The following ARHGAP25 variants were observed in gnomAD, a reference collection of about 807,000 sequenced individuals.
ARHGAP25 encodes rho GTPase-activating protein 25.
In ARHGAP25, 34 loss-of-function variants were observed where a neutral mutation model predicts 71.0. The observed-to-expected ratio is 0.48, with a 90% CI of 0.36 to 0.64. The LOEUF is 0.64. ARHGAP25 is among the 30% of genes least tolerant of loss of function. The probability of loss-of-function intolerance (pLI) is 0.00; values close to 1 mark genes in which losing one functional copy is unlikely to be tolerated. For synonymous variants in ARHGAP25, 282 were observed against 296.5 expected, an observed-to-expected ratio of 0.95 and a Z score of 0.50; for missense variants, 706 against 805.1, an observed-to-expected ratio of 0.88 and a Z score of 1.49.
chr2:68,764,693 CTCCATCTGTTCCCTGCCTCCA>C (rs1677022932), intron 1 of ARHGAP25, among the ~76,000 whole-genome samples: 1 of 152,156 alleles, frequency 6.6e-6, no homozygotes, highest in East Asian at 1.9e-4. Flanking sequence ...GCTCTCAGGT[CTCCATCTGTTCCCTGCCTCCA>C]TGCTGCTGCT....
At chr2:68,734,791 A>C (rs575237725), upstream of ARHGAP25, 5 of 211,586 alleles carry the variant, frequency 2.4e-5, no homozygotes, top group Non-Finnish European at 4.7e-5. Context: ...ACACACACAC[A>C]CACAAAACCA....
intron 4 of ARHGAP25, among the ~76,000 whole-genome samples, chr2:68,798,577 C>G (rs187452326): frequency 1.2e-4 from 18 of 150,970 alleles, no homozygotes; most frequent in Admixed American, 9.9e-4. Context: ...GAAGACACAG[C>G]AATTACTTTT....
intron 6 of ARHGAP25, among the ~76,000 whole-genome samples, chr2:68,815,262 A>G (rs1681114320): frequency 6.6e-6 from 1 of 152,132 alleles, no homozygotes; most frequent in Non-Finnish European, 1.5e-5. Context: ...AACCTTTGCA[A>G]TGAATTTACT....
At chr2:68,812,725 A>G (rs558980846) in intron 5 of ARHGAP25, among the ~76,000 whole-genome samples, 2 of 152,262 alleles carry the variant, frequency 1.3e-5, no homozygotes, top group African/African-American at 4.8e-5. Context: ...CCTGGATTGG[A>G]TGGCTACTGA....
chr2:68,807,394 G>A lies in ARHGAP25; in HGVS notation c.588G>A (p.Glu196=), dbSNP rs1374823106. 1.2e-6 allele frequency: 2 copies of A among 1,614,234 alleles called. No homozygotes were observed. Among genetic ancestry groups the A allele is most frequent in the East Asian group, 2.2e-5 (1 of 44,886 alleles). Residue 196 remains glutamate (E), a synonymous_variant, in exon 5 of 11, where the codon GAG becomes GAA. Transcript: ENST00000409202. ...EFILEHGRNE[E]GIFRLPGQDN... ...TCCTGGAGCACGGCCGGAATGAAGAGGGCATCTTCCGTCTGCCTGGGCAGG... is the reference window on the plus strand; with the variant it reads ...TCCTGGAGCACGGCCGGAATGAAGAAGGCATCTTCCGTCTGCCTGGGCAGG...
Position 68,817,044 on chromosome 2 carries a change from T to TA in ARHGAP25, c.881+683dup, listed in dbSNP as rs1211585282. On this transcript the variant is annotated intron_variant, in intron 7 of 10. Transcript: ENST00000409202. ...TTTCTCTCTGTGATAAATCTTTACA[T>TA]ACCTTAATGTAAATATAGGGGAATA... The TA allele has an allele frequency of 5.9e-5, 9 of 152,352 alleles. No homozygotes were observed. The South Asian group carries it at 1.9e-3, about 32-fold the overall frequency. 9.4% of individuals were successfully genotyped at this position (152,352 alleles called of 1,614,324 possible).
At chr2:68,786,548 G>T (rs773964820) in intron 3 of ARHGAP25, among the ~76,000 whole-genome samples, 5 of 152,068 alleles carry the variant, frequency 3.3e-5, no homozygotes, top group Non-Finnish European at 5.9e-5. Flanking sequence ...TTTTTGTTCT[G>T]CCCTGAGTAT....
rs79272334 is a variant in ARHGAP25, at chr2:68,747,250, C to T, written c.61+11990C>T. On this transcript the variant is annotated intron_variant, in intron 1 of 10. Transcript: ENST00000409202. ...TTCCCTTACCTCATTAGTTACTCTT[C>T]CTGAGTCTGCTTTCATGAAGTCTCC... 5.2e-3 allele frequency among the ~76,000 whole-genome samples: 774 copies of T among 149,688 alleles called. 8 individuals carry two copies. Among genetic ancestry groups the T allele is most frequent in the African/African-American group, 0.019 (739 of 39,136 alleles).
chr2:68,744,346 A>C (rs1182942193), intron 1 of ARHGAP25, among the ~76,000 whole-genome samples: 1 of 152,190 alleles, frequency 6.6e-6, no homozygotes, highest in East Asian at 1.9e-4. Context: ...ACCCAGGTAC[A>C]ATTAGTCCCT....
chr2:68,746,708 C>CG lies in ARHGAP25; in HGVS notation c.61+11448_61+11449insG, dbSNP rs532390253. On this transcript the variant is annotated intron_variant, in intron 1 of 10. Coordinates refer to ENST00000409202, the MANE Select transcript of ARHGAP25 (RefSeq NM_001007231.3). ...TGGGTTTAAAGACAGGGACCACCCC[C>CG]CTCCCCATCCCCACAGGGCCGGGCG... Among the ~76,000 whole-genome samples, 771 of 150,892 alleles carry CG rather than the reference C, an allele frequency of 5.1e-3. 10 individuals carry two copies. The highest frequency in any genetic ancestry group is 0.018 in the African/African-American group (736 of 41,124).
At chr2:68,719,779 T>A (rs961999304) in intron 2 of ARHGAP25, among the ~76,000 whole-genome samples, 2 of 152,134 alleles carry the variant, frequency 1.3e-5, no homozygotes, top group African/African-American at 4.8e-5. Flanking sequence ...TATCACCCTA[T>A]CCATGTAGAT....
intron 1 of ARHGAP25, among the ~76,000 whole-genome samples, chr2:68,746,719 C>T (rs1188336534): frequency 6.6e-6 from 1 of 151,768 alleles, no homozygotes; most frequent in Non-Finnish European, 1.5e-5. Flanking sequence ...CTCCCCATCC[C>T]CACAGGGCCG....
intron 1 of ARHGAP25, among the ~76,000 whole-genome samples, chr2:68,768,113 C>T (rs2104358135): frequency 6.6e-6 from 1 of 152,318 alleles, no homozygotes; most frequent in Middle Eastern, 3.4e-3. Flanking sequence ...TAGTTGTTAA[C>T]TGGAGCAGAT....
intron 5 of ARHGAP25, among the ~76,000 whole-genome samples, chr2:68,810,065 C>A (rs1175321935): frequency 1.3e-5 from 2 of 151,398 alleles, no homozygotes; most frequent in Non-Finnish European, 2.9e-5. Flanking sequence ...TTGGGTAATC[C>A]CTAGTGCATC....
At chr2:68,729,719 G>A (rs1674968937) in intron 2 of ARHGAP25, among the ~76,000 whole-genome samples, 2 of 152,144 alleles carry the variant, frequency 1.3e-5, no homozygotes, top group African/African-American at 2.4e-5. Context: ...TTTCATGTTT[G>A]TTCTTCACCT....
At chr2:68,751,886 A>G (rs1157441396) in intron 1 of ARHGAP25, among the ~76,000 whole-genome samples, 1 of 152,182 alleles carries the variant, frequency 6.6e-6, no homozygotes, top group East Asian at 1.9e-4. Flanking sequence ...CTTCCTGTTC[A>G]TTGCGAGGTG....
chr2:68,785,553 G>A (rs973860157), intron 3 of ARHGAP25, among the ~76,000 whole-genome samples: 4 of 151,618 alleles, frequency 2.6e-5, no homozygotes, highest in African/African-American at 9.7e-5. Context: ...TCGGGGGTTT[G>A]GGGGTAAGGG....
chr2:68,781,329 G>A (rs550565920), intron 2 of ARHGAP25, among the ~76,000 whole-genome samples: 1 of 152,274 alleles, frequency 6.6e-6, no homozygotes, highest in East Asian at 1.9e-4. Flanking sequence ...GGCAGAGGTT[G>A]CAATGAGCTG....
chr2:68,713,920 C>T (rs1249154234), intron 2 of ARHGAP25, among the ~76,000 whole-genome samples: 2 of 152,180 alleles, frequency 1.3e-5, no homozygotes, highest in Non-Finnish European at 2.9e-5. Context: ...CATTGATGTT[C>T]ATCAGGGATA....
Sources: allele counts gnomAD v4.1 joint callset (sites outside exome capture counted in the v4.1 genomes callset), GRCh38; gene constraint gnomAD v4.1.1; transcripts MANE v1.5; gene names NCBI Gene and HGNC (gene_info 2026-07-23, HGNC 2026-07-21).